The following TCP11L1 variants were observed in gnomAD, a reference collection of about 807,000 sequenced individuals.
The protein encoded by TCP11L1 is T-complex protein 11-like protein 1.
TCP11L1 carries 28 observed loss-of-function variants against 48.9 expected under a neutral mutation model. The ratio of observed to expected loss-of-function variants is 0.57; its 90% CI spans 0.42 to 0.78. TCP11L1 has a LOEUF of 0.78. Among genes scored for constraint, TCP11L1 ranks in the 30% least tolerant of loss-of-function variants. The probability of loss-of-function intolerance (pLI) is 0.00; values close to 1 mark genes in which losing one functional copy is unlikely to be tolerated. For missense variants in TCP11L1, 505 were observed against 613.4 expected (o/e 0.82, Z 1.87); for synonymous variants, 204 against 231.9 (o/e 0.88, Z 1.09).
At chr11:33,057,338 GAAGTTA>G in intron 4 of TCP11L1, 103 bp downstream of exon 4, 2 of 1,549,072 alleles carry the variant, frequency 1.3e-6, no homozygotes, top group Non-Finnish European at 1.8e-6. Context: ...GAAGGATCAA[GAAGTTA>G]AAGTACTTGC....
intron 8 of TCP11L1, among the ~76,000 whole-genome samples, chr11:33,067,221 T>C (rs1854644936): frequency 6.6e-6 from 1 of 152,204 alleles, no homozygotes; most frequent in Non-Finnish European, 1.5e-5. Context: ...GCTCCTACCA[T>C]GGAGTCATGT....
Position 33,057,188 on chromosome 11 carries a change from C to A in TCP11L1, c.370C>A (p.Pro124Thr), listed in dbSNP as rs1389062635. Residue 124 changes from proline to threonine, a missense_variant, in exon 4 of 10, where the codon CCC becomes ACC. Pro to Thr is a conservative substitution (Grantham distance 38, BLOSUM62 -1). Coordinates refer to ENST00000334274, the MANE Select transcript of TCP11L1 (RefSeq NM_018393.4). Reference sequence around the variant, plus strand: ...CTTGAGTGTGCAGCTAAGTGAAGATCCCCCAGCATATGACCATGCTATCAA... The same window carrying A: ...CTTGAGTGTGCAGCTAAGTGAAGATACCCCAGCATATGACCATGCTATCAA... ...DCLSVQLSEDPPAYDHAIKLV... is the reference protein window; with the variant it reads ...DCLSVQLSEDTPAYDHAIKLV... 1 of 1,613,788 alleles carries A rather than the reference C, an allele frequency of 6.2e-7. No individual in the cohort carries two copies. The highest frequency in any genetic ancestry group is 8.5e-7 in the Non-Finnish European group (1 of 1,179,986).
At chr11:33,061,464 T>C in intron 6 of TCP11L1, 66 bp from the exon 7 acceptor site, 1 of 1,458,770 alleles carries the variant, frequency 6.9e-7, no homozygotes, top group Non-Finnish European at 9.2e-7. Flanking sequence ...CGATTGTCCC[T>C]TAAGTAATTC....
intron 7 of TCP11L1, 34 bp downstream of exon 7, chr11:33,061,760 TG>T (rs1854474795): frequency 3.9e-6 from 6 of 1,542,018 alleles, no homozygotes; most frequent in Non-Finnish European, 5.3e-6. Context: ...TACTCATATT[TG>T]TTTTTGTGCT....
At chr11:33,053,951 G>A (rs1854238221) in intron 2 of TCP11L1, among the ~76,000 whole-genome samples, 1 of 152,102 alleles carries the variant, frequency 6.6e-6, no homozygotes, top group African/African-American at 2.4e-5. Flanking sequence ...GAGTAGCTGG[G>A]ACTACAGGCA....
intron 7 of TCP11L1, among the ~76,000 whole-genome samples, chr11:33,063,817 A>G (rs1054245364): frequency 2.0e-5 from 3 of 152,096 alleles, no homozygotes; most frequent in Non-Finnish European, 2.9e-5. Flanking sequence ...TTAAGGTTTC[A>G]CCTCTTGCCT....
intron 2 of TCP11L1, among the ~76,000 whole-genome samples, chr11:33,053,144 CTTTT>C (rs10715921): frequency 8.6e-6 from 1 of 116,206 alleles, no homozygotes. Flanking sequence ...CTATCAGAGA[CTTTT>C]TTTTTTTTTT....
At chr11:33,068,040 C>T (rs571513971) in intron 8 of TCP11L1, among the ~76,000 whole-genome samples, 7 of 152,188 alleles carry the variant, frequency 4.6e-5, no homozygotes, top group African/African-American at 7.2e-5. Flanking sequence ...CCACAGTCTC[C>T]TGAGTAGCTG....
intron 2 of TCP11L1, among the ~76,000 whole-genome samples, chr11:33,047,467 G>A (rs1854032893): frequency 6.6e-6 from 1 of 152,136 alleles, no homozygotes; most frequent in African/African-American, 2.4e-5. Flanking sequence ...TAATCACCTA[G>A]TTGACCAGTA....
At chr11:33,047,272 A>G (rs1055575540) in intron 2 of TCP11L1, among the ~76,000 whole-genome samples, 1 of 152,132 alleles carries the variant, frequency 6.6e-6, no homozygotes, top group Admixed American at 6.6e-5. Context: ...TTGAAAAAGG[A>G]AAAATGGCTG....
intron 7 of TCP11L1, among the ~76,000 whole-genome samples, chr11:33,064,151 TAGAAA>T (rs371006152): frequency 1.9e-4 from 29 of 151,718 alleles, no homozygotes; most frequent in African/African-American, 5.8e-4. Context: ...AAAAAATAAA[TAGAAA>T]AGAAAAGAAA....
chr11:33,065,908 C>T lies in TCP11L1; in HGVS notation c.1051C>T (p.Leu351=). 1 of 1,614,210 alleles carries T rather than the reference C, an allele frequency of 6.2e-7. No individual in the cohort carries two copies. The highest frequency in any genetic ancestry group is 8.5e-7 in the Non-Finnish European group (1 of 1,180,018). ...ACTGACCATCCTGGGGGCTGTGTTG[C>T]TGGTCACCTTCAGCATGGCAGCGCC... ...EQLTILGAVL[L]VTFSMAAPGI... The change falls in exon 8 of 10, where the codon CTG becomes TTG. Residue 351 remains leucine (L), a synonymous_variant. Coordinates refer to ENST00000334274, the MANE Select transcript of TCP11L1 (RefSeq NM_018393.4).
chr11:33,047,637 C>T (rs148184915), intron 2 of TCP11L1, among the ~76,000 whole-genome samples: 21 of 152,312 alleles, frequency 1.4e-4, no homozygotes, highest in African/African-American at 5.1e-4. Context: ...TTCTAAAGCT[C>T]ATGACTAGAC....
At chr11:33,052,404 C>G (rs1033381521) in intron 2 of TCP11L1, among the ~76,000 whole-genome samples, 2 of 151,616 alleles carry the variant, frequency 1.3e-5, no homozygotes, top group African/African-American at 4.9e-5. Context: ...GTTTTCCCAA[C>G]TTCCCCTTGT....
chr11:33,061,597 A>G lies in TCP11L1; in HGVS notation c.843A>G (p.Lys281=). The part of the protein sequence containing the change: ...ASEDLMTQKY[K]HALPVGGMAA... ...AGGACCTTATGACTCAGAAGTATAA[A>G]CACGCCCTGCCAGTGGGGGGAATGG... Residue 281 remains lysine (K), a synonymous_variant, in exon 7 of 10, where the codon AAA becomes AAG. Coordinates refer to ENST00000334274, the MANE Select transcript of TCP11L1 (RefSeq NM_018393.4). The G allele has an allele frequency of 1.9e-6, 3 of 1,612,584 alleles. No individual in the cohort carries two copies. The highest frequency in any genetic ancestry group is 2.2e-5 in the East Asian group (1 of 44,842).
In TCP11L1 at chr11:33,049,284, G is replaced by C. The variant is rs149735824; in HGVS notation, c.164-5309G>C. On this transcript the variant is annotated intron_variant, in intron 2 of 9. Coordinates refer to ENST00000334274, the MANE Select transcript of TCP11L1 (RefSeq NM_018393.4). ...AAAAAAAAATTCACCCAGAGGACTT[G>C]ATGTGATGTATTTCTGTTGTTTTCA... Among the ~76,000 whole-genome samples, 131 of 151,218 alleles carry C rather than the reference G, an allele frequency of 8.7e-4. 1 individual carries two copies. The highest frequency in any genetic ancestry group is 3.1e-3 in the African/African-American group (126 of 41,196).
At chr11:33,053,714 C>T (rs1314607546) in intron 2 of TCP11L1, among the ~76,000 whole-genome samples, 2 of 152,216 alleles carry the variant, frequency 1.3e-5, no homozygotes, top group East Asian at 3.8e-4. Context: ...CCATTGACCA[C>T]TGCAGAGCTA....
chr11:33,068,600 GCCGTCATTCTCA>G, intron 8 of TCP11L1, 75 bp from the exon 9 acceptor site: 1 of 1,478,454 alleles, frequency 6.8e-7, no homozygotes, highest in Middle Eastern at 1.9e-4. Flanking sequence ...AGTTATTGGT[GCCGTCATTCTCA>G]CCCGGGTGTG....
chr11:33,052,726 C>T (rs1854197932), intron 2 of TCP11L1, among the ~76,000 whole-genome samples: 1 of 152,144 alleles, frequency 6.6e-6, no homozygotes, highest in South Asian at 2.1e-4. Flanking sequence ...TGCTGTGGCT[C>T]ACACCTGTAA....
Sources: gnomAD v4.1 joint callset for allele counts (sites outside exome capture counted in the v4.1 genomes callset) on GRCh38, gnomAD v4.1.1 for gene constraint, MANE v1.5 for transcripts, NCBI Gene and HGNC (gene_info 2026-07-23, HGNC 2026-07-21) for gene names.